Variants in CSNK2A2IP observed in about 807,000 individuals in gnomAD.
CSNK2A2IP encodes the protein casein kinase 2 subunit alpha' interacting protein.
the CSNK2A2IP span, among the ~76,000 whole-genome samples, chr3:88,346,557 G>C: frequency 2.0e-5 from 3 of 151,876 alleles, no homozygotes; most frequent in African/African-American, 4.8e-5. Context: ...TACTCTTCCT[G>C]TGCACTAGAA....
the CSNK2A2IP span, among the ~76,000 whole-genome samples, chr3:88,354,937 A>G: frequency 2.0e-5 from 3 of 152,280 alleles, no homozygotes; most frequent in Admixed American, 2.0e-4. Context: ...GCTACTACAT[A>G]AAGCAAAGTG....
chr3:88,388,787 G>A, the CSNK2A2IP span, among the ~76,000 whole-genome samples: 1,825 of 152,108 alleles, frequency 0.012, 33 homozygotes, highest in African/African-American at 0.042. Flanking sequence ...AACATCTGTC[G>A]AATTAAGGCT....
the CSNK2A2IP span, among the ~76,000 whole-genome samples, chr3:88,344,953 T>G: frequency 6.6e-6 from 1 of 152,026 alleles, no homozygotes; most frequent in Non-Finnish European, 1.5e-5. Context: ...ATTTCTTTTA[T>G]GTTTCTTTAA....
chr3:88,446,102 T>TTTCTTTC, the CSNK2A2IP span, among the ~76,000 whole-genome samples: 11 of 116,640 alleles, frequency 9.4e-5, no homozygotes, highest in African/African-American at 3.6e-4. Context: ...TTCTTTCTTT[T>TTTCTTTC]TTTCTTTCTT....
chr3:88,369,761 T>C, the CSNK2A2IP span, among the ~76,000 whole-genome samples: 1 of 151,838 alleles, frequency 6.6e-6, no homozygotes, highest in Non-Finnish European at 1.5e-5. Flanking sequence ...GTACATTCCC[T>C]GGCCACACAC....
At chr3:88,456,734 C>T in the CSNK2A2IP span, among the ~76,000 whole-genome samples, 11 of 150,264 alleles carry the variant, frequency 7.3e-5, no homozygotes, top group African/African-American at 2.7e-4. Context: ...CAATGAATTG[C>T]TTATACACTT....
the CSNK2A2IP span, among the ~76,000 whole-genome samples, chr3:88,381,722 C>A: frequency 6.6e-6 from 1 of 152,140 alleles, no homozygotes; most frequent in Non-Finnish European, 1.5e-5. Flanking sequence ...CACAATTTAA[C>A]GCTGAGAGAT....
chr3:88,342,290 G>A, the CSNK2A2IP span, among the ~76,000 whole-genome samples: 7 of 152,032 alleles, frequency 4.6e-5, no homozygotes, highest in African/African-American at 9.6e-5. Flanking sequence ...TCTGTACATC[G>A]TGAATTATAG....
chr3:88,450,120 C>T, the CSNK2A2IP span, among the ~76,000 whole-genome samples: 1 of 151,904 alleles, frequency 6.6e-6, no homozygotes, highest in African/African-American at 2.4e-5. Context: ...CCTCCCGCCT[C>T]AGCCTCCCAA....
chr3:88,411,392 T>A, the CSNK2A2IP span, among the ~76,000 whole-genome samples: 1 of 151,706 alleles, frequency 6.6e-6, no homozygotes, highest in Non-Finnish European at 1.5e-5. Context: ...TATCTATCTA[T>A]CTATCTATCT....
At chr3:88,449,994 A>G in the CSNK2A2IP span, among the ~76,000 whole-genome samples, 1 of 149,752 alleles carries the variant, frequency 6.7e-6, no homozygotes, top group African/African-American at 2.5e-5. Flanking sequence ...CAGCCTCCCA[A>G]GTAGCTGGGA....
At chr3:88,442,160 A>G in the CSNK2A2IP span, among the ~76,000 whole-genome samples, 1 of 152,132 alleles carries the variant, frequency 6.6e-6, no homozygotes, top group African/African-American at 2.4e-5. Context: ...ATGCACACAA[A>G]CACTAATTAG....
chr3:88,465,159 A>G, the CSNK2A2IP span: 2 of 394,054 alleles, frequency 5.1e-6, no homozygotes, highest in Middle Eastern at 6.5e-4. Flanking sequence ...AATGGTGACA[A>G]TCTTTTTCAA....
chr3:88,432,009 T>A, the CSNK2A2IP span, among the ~76,000 whole-genome samples: 1 of 152,112 alleles, frequency 6.6e-6, no homozygotes, highest in African/African-American at 2.4e-5. Flanking sequence ...TTTTATAAGA[T>A]ATTTTGATTG....
At chr3:88,407,491 G>A in the CSNK2A2IP span, among the ~76,000 whole-genome samples, 2 of 151,934 alleles carry the variant, frequency 1.3e-5, no homozygotes, top group Non-Finnish European at 2.9e-5. Flanking sequence ...CATATGTAGC[G>A]CTGAAAATAA....
the CSNK2A2IP span, among the ~76,000 whole-genome samples, chr3:88,358,815 G>A: frequency 6.6e-6 from 1 of 152,130 alleles, no homozygotes; most frequent in Non-Finnish European, 1.5e-5. Flanking sequence ...GTGTCTGTCT[G>A]ATTTTGGTGT....
At chr3:88,424,208 T>TTTTC in the CSNK2A2IP span, among the ~76,000 whole-genome samples, 63 of 152,344 alleles carry the variant, frequency 4.1e-4, no homozygotes, top group African/African-American at 1.4e-3. Flanking sequence ...ACTCATAATC[T>TTTTC]TTGTAGAAGA....
At chr3:88,350,798 C>T in the CSNK2A2IP span, among the ~76,000 whole-genome samples, 1 of 152,024 alleles carries the variant, frequency 6.6e-6, no homozygotes, top group African/African-American at 2.4e-5. Flanking sequence ...TCCAGACAGC[C>T]CTTGTCAGTA....
the CSNK2A2IP span, among the ~76,000 whole-genome samples, chr3:88,351,311 CAA>C: frequency 6.6e-6 from 1 of 152,030 alleles, no homozygotes; most frequent in Admixed American, 6.6e-5. Flanking sequence ...AGGACTGCTA[CAA>C]ATGAATGACA....
Sources: allele counts gnomAD v4.1 joint callset (sites outside exome capture counted in the v4.1 genomes callset), GRCh38; gene constraint gnomAD v4.1.1; transcripts MANE v1.5; gene names NCBI Gene and HGNC (gene_info 2026-07-23, HGNC 2026-07-21).